Variants in R3HDM1 observed in about 807,000 individuals in gnomAD.
The protein encoded by R3HDM1 is R3H domain containing 1, also known as R3H domain-containing protein 1.
R3HDM1 carries 46 observed loss-of-function variants against 141.1 expected under a neutral mutation model. That is an observed-to-expected ratio of 0.33 (90% CI 0.26 to 0.42). The LOEUF is 0.42. Ranked by LOEUF, R3HDM1 falls within the 10% of genes least tolerant of loss-of-function variation. The pLI is 1.00. For missense variants in R3HDM1, 1,184 were observed against 1,368.3 expected, an observed-to-expected ratio of 0.87 and a Z score of 2.12; for synonymous variants, 435 against 472.9, an observed-to-expected ratio of 0.92 and a Z score of 1.04.
intron 1 of R3HDM1, among the ~76,000 whole-genome samples, chr2:135,593,764 A>G (rs1179158389): frequency 1.3e-5 from 2 of 152,110 alleles, no homozygotes; most frequent in Non-Finnish European, 2.9e-5. Context: ...TCTATCACCC[A>G]GGCTGGAGTA....
At chr2:135,654,945 G>A (rs951325237) in intron 18 of R3HDM1, among the ~76,000 whole-genome samples, 6 of 150,696 alleles carry the variant, frequency 4.0e-5, no homozygotes, top group Admixed American at 1.3e-4. Flanking sequence ...TATGTATTCT[G>A]GATACTAGAC....
intron 5 of R3HDM1, among the ~76,000 whole-genome samples, chr2:135,617,306 G>A (rs140141594): frequency 0.016 from 2,451 of 150,944 alleles, 73 homozygotes; most frequent in African/African-American, 0.057. Flanking sequence ...CAACCTGGGC[G>A]ACAGAGCGAG....
chr2:135,715,724 C>T (rs1337992725), intron 24 of R3HDM1, 30 bp downstream of exon 24: 1 of 1,591,874 alleles, frequency 6.3e-7, no homozygotes, highest in Non-Finnish European at 8.6e-7. Flanking sequence ...GTCACAACTT[C>T]AGAGAATTTA....
chr2:135,564,081 C>T (rs1192543035), intron 1 of R3HDM1, among the ~76,000 whole-genome samples: 1 of 152,116 alleles, frequency 6.6e-6, no homozygotes, highest in Admixed American at 6.5e-5. Context: ...GGGATCTGCC[C>T]CCATGACCCA....
chr2:135,532,354 G>T (rs995773814), intron 1 of R3HDM1, among the ~76,000 whole-genome samples: 1 of 152,220 alleles, frequency 6.6e-6, no homozygotes, highest in Non-Finnish European at 1.5e-5. Flanking sequence ...GGGCTTTGAA[G>T]TTTTTTGGTG....
intron 3 of R3HDM1, chr2:135,607,280 G>C (rs1353119464): frequency 1.0e-6 from 1 of 985,006 alleles, no homozygotes; most frequent in Non-Finnish European, 1.2e-6. Context: ...AGCCACCGCT[G>C]CTGGCCAAGA....
intron 13 of R3HDM1, 35 bp from the exon 14 acceptor site, chr2:135,638,861 C>T: frequency 1.2e-6 from 2 of 1,611,612 alleles, no homozygotes; most frequent in Non-Finnish European, 8.5e-7. Flanking sequence ...TGTTCCCCTG[C>T]ATTAGCTTTT....
intron 23 of R3HDM1, among the ~76,000 whole-genome samples, chr2:135,712,348 C>T (rs2075741407): frequency 6.6e-6 from 1 of 151,686 alleles, no homozygotes; most frequent in South Asian, 2.1e-4. Flanking sequence ...ACTGCAGCTT[C>T]CATCTCCTGG....
intron 1 of R3HDM1, among the ~76,000 whole-genome samples, chr2:135,571,283 T>C (rs967895515): frequency 1.1e-4 from 16 of 152,108 alleles, no homozygotes; most frequent in South Asian, 2.1e-4. Flanking sequence ...ATTTACAGGA[T>C]GTTTACTAGC....
chr2:135,593,455 C>G (rs1419693874), intron 1 of R3HDM1, among the ~76,000 whole-genome samples: 1 of 152,146 alleles, frequency 6.6e-6, no homozygotes, highest in Non-Finnish European at 1.5e-5. Context: ...CTTGCATTGT[C>G]TCTTACCTAT....
chr2:135,540,251 C>G lies in R3HDM1; in HGVS notation c.-250+8618C>G, dbSNP rs186388531. Reference sequence around the variant, plus strand: ...TCTGAATCTAGTTCTCTTACTGTTTCCACCACATCTGTAGTTACTTTATCC... The same window carrying G: ...TCTGAATCTAGTTCTCTTACTGTTTGCACCACATCTGTAGTTACTTTATCC... On this transcript the variant is annotated intron_variant, in intron 1 of 26. Coordinates refer to ENST00000683871, the MANE Select transcript of R3HDM1 (RefSeq NM_001378107.1). 8.5e-4 allele frequency among the ~76,000 whole-genome samples: 130 copies of G among 152,324 alleles called. 1 individual carries two copies. The highest frequency in any genetic ancestry group is 3.4e-3 in the Middle Eastern group (1 of 294).
chr2:135,614,264 C>T (rs1265099397), intron 3 of R3HDM1, among the ~76,000 whole-genome samples: 1 of 152,074 alleles, frequency 6.6e-6, no homozygotes, highest in Non-Finnish European at 1.5e-5. Flanking sequence ...TCAAGCATTA[C>T]GATAGGAACA....
At chr2:135,675,208 G>A in intron 19 of R3HDM1, 124 bp from the exon 20 acceptor site, 2 of 964,068 alleles carry the variant, frequency 2.1e-6, no homozygotes. Flanking sequence ...GATGGTTTTA[G>A]GGGCTTACCA....
At chr2:135,553,463 G>A (rs749969702) in intron 1 of R3HDM1, among the ~76,000 whole-genome samples, 38 of 152,280 alleles carry the variant, frequency 2.5e-4, no homozygotes, top group Non-Finnish European at 5.0e-4. Flanking sequence ...GGAAAGAGGA[G>A]TAGGAAGGAA....
Position 135,680,284 on chromosome 2 carries a change from T to G in R3HDM1, c.2419T>G (p.Tyr807Asp). 1.2e-6 allele frequency: 2 copies of G among 1,614,078 alleles called. No individual in the cohort carries two copies. Among genetic ancestry groups the G allele is most frequent in the Non-Finnish European group, 1.7e-6 (2 of 1,179,948 alleles). Residue 807 changes from tyrosine to aspartate, a missense_variant, in exon 21 of 27, where the codon TAC (tyrosine) becomes GAC (aspartate). Transcript: ENST00000683871. ...TATGCCCACAACAGGAATGCCTGTT[T>G]ACTATAGTGTCATTCCACCTGGTCA... is the stretch of plus-strand genomic sequence containing the variant. ...GSMPTTGMPV[Y>D]YSVIPPGQQN...
At chr2:135,627,274 A>G (rs1301355802) in intron 7 of R3HDM1, among the ~76,000 whole-genome samples, 1 of 152,166 alleles carries the variant, frequency 6.6e-6, no homozygotes, top group African/African-American at 2.4e-5. Context: ...ATTCTACTAG[A>G]TGTTAAGCAG....
chr2:135,555,797 G>A (rs934288395), intron 1 of R3HDM1, among the ~76,000 whole-genome samples: 4 of 152,154 alleles, frequency 2.6e-5, no homozygotes, highest in African/African-American at 4.8e-5. Context: ...ATGCCAAGGC[G>A]GGAGGATCCC....
intron 26 of R3HDM1, 152 bp downstream of exon 26, chr2:135,722,705 C>G: frequency 1.4e-6 from 1 of 718,134 alleles, no homozygotes; most frequent in South Asian, 1.9e-5. Context: ...GGATATGTTC[C>G]TATGACCTTG....
At chr2:135,684,743 C>T (rs539202356) in intron 21 of R3HDM1, among the ~76,000 whole-genome samples, 1 of 151,656 alleles carries the variant, frequency 6.6e-6, no homozygotes, top group African/African-American at 2.4e-5. Flanking sequence ...TACACATTCT[C>T]TTGCGTTTTT....
Sources: gnomAD v4.1 joint callset for allele counts (sites outside exome capture counted in the v4.1 genomes callset) on GRCh38, gnomAD v4.1.1 for gene constraint, MANE v1.5 for transcripts, NCBI Gene and HGNC (gene_info 2026-07-23, HGNC 2026-07-21) for gene names.